STAT5B: variants seen among roughly 807,000 people sequenced by gnomAD.
STAT5B encodes the protein signal transducer and activator of transcription 5B, also known as transcription factor STAT5B.
A neutral mutation model predicts 107.8 loss-of-function variants in STAT5B; 21 were observed. The observed-to-expected ratio is 0.19, with a 90% confidence interval of 0.14 to 0.28. The LOEUF (loss-of-function observed/expected upper bound fraction) is 0.28. Among genes scored for constraint, STAT5B ranks in the 10% least tolerant of loss-of-function variants. The pLI is 1.00. For synonymous variants in STAT5B, 325 were observed against 401.7 expected, an observed-to-expected ratio of 0.81 and a Z score of 2.28; for missense variants, 565 against 1,008.2, an observed-to-expected ratio of 0.56 and a Z score of 5.95.
chr17:42,252,907 T>A (rs961677996), intron 1 of STAT5B, among the ~76,000 whole-genome samples: 1 of 152,216 alleles, frequency 6.6e-6, no homozygotes, highest in Admixed American at 6.5e-5. Flanking sequence ...TTTAATTATA[T>A]CTCAAGAAAG....
intron 16 of STAT5B, among the ~76,000 whole-genome samples, chr17:42,204,389 G>A (rs1161268819): frequency 6.6e-6 from 1 of 152,158 alleles, no homozygotes; most frequent in Non-Finnish European, 1.5e-5. Flanking sequence ...AATTATACTA[G>A]GCAAGGACGA....
intron 1 of STAT5B, among the ~76,000 whole-genome samples, chr17:42,251,004 C>A (rs1268471998): frequency 2.0e-5 from 3 of 149,424 alleles, no homozygotes; most frequent in Non-Finnish European, 4.4e-5. Flanking sequence ...TCCTTTATAA[C>A]ACGAGCCACA....
chr17:42,265,824 T>C (rs530693379), intron 1 of STAT5B, among the ~76,000 whole-genome samples: 108 of 152,322 alleles, frequency 7.1e-4, no homozygotes, highest in African/African-American at 2.3e-3. Context: ...CTGAAAAAAC[T>C]TGTCATTTTT....
upstream of STAT5B, among the ~76,000 whole-genome samples, chr17:42,277,332 A>G (rs1334827976): frequency 1.3e-5 from 2 of 152,068 alleles, no homozygotes; most frequent in East Asian, 3.8e-4. Flanking sequence ...AAAGAGAGAG[A>G]AGGACCCCTC....
upstream of STAT5B, among the ~76,000 whole-genome samples, chr17:42,277,048 C>G (rs1312678819): frequency 6.6e-6 from 1 of 152,160 alleles, no homozygotes; most frequent in Non-Finnish European, 1.5e-5. Flanking sequence ...CTGGCTGGCT[C>G]CCACCAGTCA....
chr17:42,280,105 CAGAA>C (rs563161487), upstream of STAT5B, among the ~76,000 whole-genome samples: 36 of 152,168 alleles, frequency 2.4e-4, no homozygotes, highest in Non-Finnish European at 4.3e-4. Context: ...TAAGACATGA[CAGAA>C]AGAAAGAAAC....
intron 16 of STAT5B, among the ~76,000 whole-genome samples, chr17:42,206,414 C>T (rs2080085286): frequency 6.6e-6 from 1 of 151,530 alleles, no homozygotes; most frequent in African/African-American, 2.4e-5. Context: ...TGTTTATGGT[C>T]TTCGTTCTGC....
intron 16 of STAT5B, 187 bp from the exon 17 acceptor site, chr17:42,202,995 T>G (rs1263216354): frequency 4.0e-6 from 3 of 752,194 alleles, no homozygotes; most frequent in Admixed American, 2.1e-5. Context: ...CAGGCTGGAG[T>G]ACGGTGGTGC....
At chr17:42,280,703 C>T (rs998807375), upstream of STAT5B, among the ~76,000 whole-genome samples, 1 of 152,178 alleles carries the variant, frequency 6.6e-6, no homozygotes, top group South Asian at 2.1e-4. Flanking sequence ...GCCAGATCTC[C>T]AAGGCCTCAG....
intron 17 of STAT5B, 59 bp downstream of exon 17, chr17:42,202,698 C>A (rs2080055156): frequency 1.6e-5 from 26 of 1,611,940 alleles, no homozygotes; most frequent in Non-Finnish European, 2.2e-5. Flanking sequence ...GGATGGGAGG[C>A]AGGGTCTGGG....
chr17:42,265,377 C>CCTTTTTTTTTTTTT (rs1555553898), intron 1 of STAT5B, among the ~76,000 whole-genome samples: 1 of 110,596 alleles, frequency 9.0e-6, no homozygotes, highest in African/African-American at 3.6e-5. Flanking sequence ...ATGTACTCTT[C>CCTTTTTTTTTTTTT]TTTTTTTTTT....
chr17:42,235,016 A>ATGT (rs1316402939), intron 1 of STAT5B: 1 of 152,226 alleles, frequency 6.6e-6, no homozygotes, highest in African/African-American at 2.4e-5. Flanking sequence ...CTCAATGAAT[A>ATGT]TGTGAGTGAT....
In STAT5B at chr17:42,223,560, G is replaced by A. The variant is rs1253644991; in HGVS notation, c.376-4C>T. On this transcript the variant is annotated splice_polypyrimidine_tract_variant and splice_region_variant and intron_variant, in intron 4 of 18. Transcript: ENST00000293328. ...GGCTTCCAGCTGGAGAGCTACCCTG[G>A]GAACATATGGGGGGCAGTGCAAGGC... The A allele has an allele frequency of 1.9e-6, 3 of 1,613,974 alleles. No individual in the cohort carries two copies. Among genetic ancestry groups the A allele is most frequent in the Non-Finnish European group, 2.5e-6 (3 of 1,180,008 alleles).
At chr17:42,279,108 G>A (rs867831603), upstream of STAT5B, among the ~76,000 whole-genome samples, 1 of 151,330 alleles carries the variant, frequency 6.6e-6, no homozygotes, top group Admixed American at 6.6e-5. Flanking sequence ...GAGCCACTGT[G>A]CCCAGCCTGA....
chr17:42,205,199 T>C lies in STAT5B; in HGVS notation c.2077+2359A>G, dbSNP rs184942775. 2.0e-5 allele frequency among the ~76,000 whole-genome samples: 3 copies of C among 151,900 alleles called. No homozygotes were observed. The East Asian group carries it at 5.9e-4, about 30-fold the overall frequency. ...CCTGCCACCATGCCCGGCTAATTTT[T>C]GTATGTTTTTTAGTAGAGATGGGGT... On this transcript the variant is annotated intron_variant, in intron 16 of 18. Transcript: ENST00000293328.
intron 1 of STAT5B, among the ~76,000 whole-genome samples, chr17:42,255,561 G>T (rs946980248): frequency 6.6e-6 from 1 of 152,220 alleles, no homozygotes; most frequent in Non-Finnish European, 1.5e-5. Flanking sequence ...CAAAGGGGCA[G>T]ATAGTGTATG....
rs1357331069 is a variant in STAT5B, at chr17:42,201,368, C to T, written c.*370G>A. 1.7e-6 allele frequency: 1 copy of T among 576,110 alleles called. No individual in the cohort carries two copies. The highest frequency in any genetic ancestry group is 3.1e-6 in the Non-Finnish European group (1 of 324,854). The allele number at this position is 576,110 out of a possible 1,614,324, so 35.7% of individuals were successfully genotyped here. The stretch of plus-strand genomic sequence containing the variant: ...ATTCAAACAGCCACATGTCAAAGTC[C>T]AGCCACTCTTAAGACACATGGCCAA... On this transcript the variant is annotated 3_prime_UTR_variant, in exon 19 of 19. Coordinates refer to ENST00000293328, the MANE Select transcript of STAT5B (RefSeq NM_012448.4).
intron 1 of STAT5B, among the ~76,000 whole-genome samples, chr17:42,245,208 G>A (rs890226669): frequency 6.6e-6 from 1 of 150,820 alleles, no homozygotes; most frequent in Non-Finnish European, 1.5e-5. Flanking sequence ...CTCCCGAATA[G>A]CTGGGACTAC....
chr17:42,282,970 TG>T, the STAT5B span, among the ~76,000 whole-genome samples: 1 of 152,116 alleles, frequency 6.6e-6, no homozygotes, highest in African/African-American at 2.4e-5. Context: ...AAGGAAGATG[TG>T]GGTAGATCTG....
Sources: allele counts gnomAD v4.1 joint callset (sites outside exome capture counted in the v4.1 genomes callset), GRCh38; gene constraint gnomAD v4.1.1; transcripts MANE v1.5; gene names NCBI Gene and HGNC (gene_info 2026-07-23, HGNC 2026-07-21).